The following MCC variants were observed in gnomAD, a reference collection of about 807,000 sequenced individuals.
MCC encodes the protein colorectal mutant cancer protein.
In MCC, 90 loss-of-function variants were observed where a neutral mutation model predicts 116.2. The ratio of observed to expected loss-of-function variants is 0.77; its 90% confidence interval spans 0.65 to 0.92. MCC has a LOEUF of 0.92. MCC is among the 40% of genes least tolerant of loss of function. MCC has a pLI of 0.00. For synonymous variants in MCC, 578 were observed against 510.5 expected, an observed-to-expected ratio of 1.13 and a Z score of -1.78; for missense variants, 1,516 against 1,312.2, an observed-to-expected ratio of 1.16 and a Z score of -2.40.
At position 113,488,385 on chromosome 5, in the gene MCC, C is replaced by T. The variant is rs751624324; in HGVS notation, c.30G>A (p.Ala10=). The change falls in exon 1 of 19, where the codon GCG becomes GCA. Residue 10 remains alanine, a synonymous_variant. Coordinates refer to ENST00000408903, the MANE Select transcript of MCC (RefSeq NM_001085377.2). MMAAAAAAA[A]GSSSSGGGGG... is the part of the protein sequence containing the mutation. ...CGCCGCCGCCGCTGCTGGAGCTCCC[C>T]GCAGCCGCTGCCGCCGCGGCCGCCA... The T allele has an allele frequency of 7.0e-7, 1 of 1,426,896 alleles. No individual in the cohort carries two copies. The highest frequency in any genetic ancestry group is 9.1e-7 in the Non-Finnish European group (1 of 1,101,878). 88.4% of individuals were successfully genotyped at this position (1,426,896 alleles called of 1,614,324 possible).
intron 11 of MCC, among the ~76,000 whole-genome samples, chr5:113,076,453 G>C (rs6859813): frequency 5.7e-4 from 87 of 152,144 alleles, no homozygotes; most frequent in African/African-American, 2.0e-3. Context: ...CAGAGTAGTA[G>C]CTGATTTCTT....
rs756603211 is a variant in MCC, at chr5:113,488,345, T to TGCC, written c.67_69dup (p.Gly23dup). 4 of 1,498,658 alleles carry TGCC rather than the reference T, an allele frequency of 2.7e-6. No individual in the cohort carries two copies. The highest frequency in any genetic ancestry group is 1.4e-5 in the African/African-American group (1 of 69,258). The allele number at this position is 1,498,658 out of a possible 1,614,324, so 92.8% of individuals were successfully genotyped here. On this transcript the variant is annotated inframe_insertion, in exon 1 of 19. Transcript: ENST00000408903. ...GACGTGTCGCTGCTGCTGCTGCTGC[T>TGCC]GCCGCTGCCGCCGCCGCCGCCGCCG...
chr5:113,121,327 G>T (rs563104530), intron 6 of MCC, among the ~76,000 whole-genome samples: 3 of 152,258 alleles, frequency 2.0e-5, no homozygotes, highest in South Asian at 4.1e-4. Flanking sequence ...GTAGCTTCTT[G>T]TGGATCTTTG....
At position 113,488,373 on chromosome 5, in the gene MCC, G is replaced by A. The variant is rs1270992164; in HGVS notation, c.42C>T (p.Ser14=). Residue 14 remains serine (S), a synonymous_variant, in exon 1 of 19, where the codon AGC becomes AGT. Coordinates refer to ENST00000408903, the MANE Select transcript of MCC (RefSeq NM_001085377.2). ...CGCTGCCGCCGCCGCCGCCGCCGCTGCTGGAGCTCCCCGCAGCCGCTGCCG... is the reference window on the plus strand; with the variant it reads ...CGCTGCCGCCGCCGCCGCCGCCGCTACTGGAGCTCCCCGCAGCCGCTGCCG... ...AAAAAAAGSS[S]SGGGGGGSGS... 1.3e-6 allele frequency: 2 copies of A among 1,509,284 alleles called. No individual in the cohort carries two copies. Among genetic ancestry groups the A allele is most frequent in the South Asian group, 1.3e-5 (1 of 78,588 alleles). 93.5% of individuals were successfully genotyped at this position (1,509,284 alleles called of 1,614,324 possible).
chr5:113,063,106 G>C (rs1422451010), intron 14 of MCC, among the ~76,000 whole-genome samples: 1 of 152,196 alleles, frequency 6.6e-6, no homozygotes, highest in African/African-American at 2.4e-5. Context: ...CTGAGCCAAG[G>C]TTTCCTAACC....
intron 6 of MCC, among the ~76,000 whole-genome samples, chr5:113,117,927 A>G (rs904439566): frequency 3.3e-5 from 5 of 152,236 alleles, no homozygotes; most frequent in Admixed American, 3.3e-4. Context: ...CATCAGCCCT[A>G]GAGACCTCAA....
At chr5:113,143,747 A>C (rs1270291787) in intron 4 of MCC, among the ~76,000 whole-genome samples, 1 of 152,182 alleles carries the variant, frequency 6.6e-6, no homozygotes, top group Non-Finnish European at 1.5e-5. Context: ...GTAAGGTTGC[A>C]TGGAGTTGAT....
At chr5:113,060,585 C>A (rs1753148813) in intron 14 of MCC, among the ~76,000 whole-genome samples, 2 of 152,152 alleles carry the variant, frequency 1.3e-5, no homozygotes, top group African/African-American at 4.8e-5. Context: ...AGAACTTTAC[C>A]ATCCTATGCA....
At position 113,064,144 on chromosome 5, in the gene MCC, T is replaced by C; in HGVS notation, c.2053A>G (p.Ile685Val). ...TGAGCTCGCTTGAGCATCTGAGTGATGTTTTCATCCCCCGACTGGTCTCCT... is the reference window on the plus strand; with the variant it reads ...TGAGCTCGCTTGAGCATCTGAGTGACGTTTTCATCCCCCGACTGGTCTCCT... ...SPGDQSGDENITQMLKRAHDC... is the reference protein window; with the variant it reads ...SPGDQSGDENVTQMLKRAHDC... Residue 685 changes from isoleucine (I) to valine (V), a missense_variant, in exon 14 of 19, where the codon ATC becomes GTC. By Grantham distance (29) the Ile-to-Val change is conservative. Coordinates refer to ENST00000408903, the MANE Select transcript of MCC (RefSeq NM_001085377.2). 6.2e-7 allele frequency: 1 copy of C among 1,613,196 alleles called. No homozygotes were observed. Among genetic ancestry groups the C allele is most frequent in the Non-Finnish European group, 8.5e-7 (1 of 1,179,458 alleles).
At chr5:113,062,704 A>G (rs1476951834) in intron 14 of MCC, among the ~76,000 whole-genome samples, 2 of 152,262 alleles carry the variant, frequency 1.3e-5, no homozygotes, top group Non-Finnish European at 2.9e-5. Context: ...GCTTCACTGA[A>G]TGAGACAATT....
intron 1 of MCC, chr5:113,433,374 T>C: frequency 2.1e-6 from 1 of 467,034 alleles, no homozygotes; most frequent in Admixed American, 2.8e-5. Flanking sequence ...GGAGGATAAA[T>C]GGTGCCCAAG....
At chr5:113,354,799 A>C (rs1308095161) in intron 2 of MCC, among the ~76,000 whole-genome samples, 1 of 146,036 alleles carries the variant, frequency 6.8e-6, no homozygotes, top group Non-Finnish European at 1.5e-5. Flanking sequence ...TATTATTATT[A>C]TTATTATTCA....
intron 1 of MCC, among the ~76,000 whole-genome samples, chr5:113,463,263 G>C (rs552576089): frequency 1.3e-5 from 2 of 152,154 alleles, no homozygotes; most frequent in Non-Finnish European, 2.9e-5. Flanking sequence ...CACTTGAAGG[G>C]TTGTAAGCAG....
chr5:113,255,816 G>T (rs761424452), intron 3 of MCC, among the ~76,000 whole-genome samples: 30 of 152,182 alleles, frequency 2.0e-4, no homozygotes, highest in Non-Finnish European at 4.1e-4. Context: ...AGTAAAACAA[G>T]GGCAGAGAGT....
intron 6 of MCC, among the ~76,000 whole-genome samples, chr5:113,119,639 C>A (rs549803812): frequency 1.3e-5 from 2 of 152,260 alleles, no homozygotes; most frequent in South Asian, 2.1e-4. Flanking sequence ...AATGACCTGA[C>A]AGCAGATTCT....
At chr5:113,467,811 C>A (rs202024397) in intron 1 of MCC, among the ~76,000 whole-genome samples, 2 of 151,786 alleles carry the variant, frequency 1.3e-5, no homozygotes, top group Admixed American at 6.6e-5. Flanking sequence ...TCTTCCTACC[C>A]ATGAGCATGG....
At chr5:113,208,462 T>A (rs559731786) in intron 3 of MCC, among the ~76,000 whole-genome samples, 1 of 152,278 alleles carries the variant, frequency 6.6e-6, no homozygotes, top group Admixed American at 6.5e-5. Context: ...TGCCTTGGGA[T>A]GCTGCCCCGT....
chr5:113,362,013 G>A (rs2150385581), intron 2 of MCC, among the ~76,000 whole-genome samples: 2 of 152,134 alleles, frequency 1.3e-5, no homozygotes, highest in South Asian at 4.2e-4. Flanking sequence ...CATATTGTGG[G>A]GCTTCTCAGA....
At chr5:113,417,270 G>A (rs1039955650) in intron 1 of MCC, among the ~76,000 whole-genome samples, 6 of 152,096 alleles carry the variant, frequency 3.9e-5, no homozygotes, top group African/African-American at 1.2e-4. Context: ...ACCCAGCAGT[G>A]AATTGCTTTT....
Sources: gnomAD v4.1 joint callset for allele counts (sites outside exome capture counted in the v4.1 genomes callset) on GRCh38, gnomAD v4.1.1 for gene constraint, MANE v1.5 for transcripts, NCBI Gene and HGNC (gene_info 2026-07-23, HGNC 2026-07-21) for gene names.